The following RETREG3 variants were observed in gnomAD, a reference collection of about 807,000 sequenced individuals.
RETREG3 encodes the protein reticulophagy regulator 3.
A neutral mutation model predicts 50.2 loss-of-function variants in RETREG3; 23 were observed. That is an observed-to-expected ratio of 0.46 (90% CI 0.33 to 0.65). RETREG3 has a LOEUF of 0.65. Ranked by LOEUF, RETREG3 falls within the 30% of genes least tolerant of loss-of-function variation. The pLI is 0.02. For missense variants in RETREG3, 546 were observed against 598.0 expected (o/e 0.91, Z 0.91); for synonymous variants, 240 against 234.4 (o/e 1.02, Z -0.22).
intron 1 of RETREG3, 108 bp downstream of exon 1, chr17:42,608,978 C>G: frequency 8.6e-7 from 1 of 1,162,946 alleles, no homozygotes. Flanking sequence ...TAGGCAAGTA[C>G]AGGAAGGAGC....
At chr17:42,604,620 T>A (rs1248810536) in intron 1 of RETREG3, among the ~76,000 whole-genome samples, 1 of 146,008 alleles carries the variant, frequency 6.8e-6, no homozygotes, top group Non-Finnish European at 1.5e-5. Context: ...CAGTGAGCTA[T>A]GATTGTGCCA....
chr17:42,587,888 G>T (rs577432944), intron 2 of RETREG3, 24 bp from the exon 3 acceptor site: 9 of 1,613,730 alleles, frequency 5.6e-6, no homozygotes, highest in Non-Finnish European at 7.6e-6. Flanking sequence ...ACAAACACCA[G>T]CATTAGTTGG....
intron 1 of RETREG3, among the ~76,000 whole-genome samples, chr17:42,604,967 C>G (rs949878623): frequency 4.0e-5 from 6 of 151,864 alleles, no homozygotes; most frequent in Non-Finnish European, 8.8e-5. Flanking sequence ...AAAACACAAG[C>G]TATTGGAAGG....
Position 42,602,445 on chromosome 17 carries a change from T to C in RETREG3, c.239+6641A>G, listed in dbSNP as rs2093160460. Among the ~76,000 whole-genome samples the C allele has an allele frequency of 1.3e-5, 2 of 152,214 alleles. 1 individual carries two copies. The highest frequency in any genetic ancestry group is 4.1e-4 in the South Asian group (2 of 4,832). On this transcript the variant is annotated intron_variant, in intron 1 of 8. Transcript: ENST00000309428. ...CAATGCTGTACGACTAATAGCCTTATGTAATTTCAGAACATTTTCATCACT... is the reference window on the plus strand; with the variant it reads ...CAATGCTGTACGACTAATAGCCTTACGTAATTTCAGAACATTTTCATCACT...
At chr17:42,590,971 G>C (rs1200043084) in intron 2 of RETREG3, among the ~76,000 whole-genome samples, 2 of 151,872 alleles carry the variant, frequency 1.3e-5, no homozygotes, top group Non-Finnish European at 2.9e-5. Flanking sequence ...CGTCTCAAAA[G>C]AAAAGAAAAG....
At position 42,586,053 on chromosome 17, in the gene RETREG3, G is replaced by A. The variant is rs1597733568; in HGVS notation, c.589C>T (p.Leu197Phe). Residue 197 changes from leucine to phenylalanine, a missense_variant and splice_region_variant, in exon 5 of 9, where the codon CTT (leucine) becomes TTT (phenylalanine). Coordinates refer to ENST00000309428, the MANE Select transcript of RETREG3 (RefSeq NM_178126.4). Reference protein sequence around the residue: ...VPGLLLSYLMLVTVMMWPLAV... With the variant: ...VPGLLLSYLMFVTVMMWPLAV... ...TAGGGGAGGTATATGTCATACTTAC[G>A]CATCAAGTAGGACAGCAGAAGCCCA... 3 of 1,613,678 alleles carry A rather than the reference G, an allele frequency of 1.9e-6. No individual in the cohort carries two copies. The highest frequency in any genetic ancestry group is 2.5e-6 in the Non-Finnish European group (3 of 1,179,656).
rs1199076786 is a variant in RETREG3 at position 42,580,777 on chromosome 17, C to T, written c.*1036G>A. ...ATCACGCTGGGCACAGTGGCTCACA[C>T]CTGTAATCCCAACACTTTGGGTGGC... On this transcript the variant is annotated 3_prime_UTR_variant, in exon 9 of 9. Transcript: ENST00000309428. The T allele has an allele frequency of 6.6e-6, 1 of 152,078 alleles. No homozygotes were observed. Among genetic ancestry groups the T allele is most frequent in the African/African-American group, 2.4e-5 (1 of 41,318 alleles). The allele number at this position is 152,078 out of a possible 1,614,324, so 9.4% of individuals were successfully genotyped here.
Position 42,584,985 on chromosome 17 carries a change from C to A in RETREG3, c.727+140G>T, listed in dbSNP as rs2093118215. 5 of 1,033,974 alleles carry A rather than the reference C, an allele frequency of 4.8e-6. No individual in the cohort carries two copies. In the South Asian group the frequency reaches 7.9e-5, roughly 16 times the overall value. 64.0% of individuals were successfully genotyped at this position (1,033,974 alleles called of 1,614,324 possible). A position where few individuals can be genotyped will look rare whatever the true frequency, so the allele number is the denominator to read the frequency against. On this transcript the variant is annotated intron_variant, in intron 6 of 8. Coordinates refer to ENST00000309428, the MANE Select transcript of RETREG3 (RefSeq NM_178126.4). ...CACAGGTTTCCCTAGAACAGAATATCATTTTTACCTATCAATCCTCACCCC... is the reference window on the plus strand; with the variant it reads ...CACAGGTTTCCCTAGAACAGAATATAATTTTTACCTATCAATCCTCACCCC...
At chr17:42,588,000 A>C in intron 2 of RETREG3, 136 bp from the exon 3 acceptor site, 1 of 887,486 alleles carries the variant, frequency 1.1e-6, no homozygotes. Flanking sequence ...AAAAGGAGAC[A>C]CTGTGTTATA....
rs2093114569 is a variant in RETREG3 at position 42,583,536 on chromosome 17, T to C, written c.772A>G (p.Ser258Gly). 6.2e-7 allele frequency: 1 copy of C among 1,613,824 alleles called. No individual in the cohort carries two copies. The highest frequency in any genetic ancestry group is 2.2e-5 in the East Asian group (1 of 44,864). The change falls in exon 7 of 9, where the codon AGT becomes GGT. Residue 258 changes from serine to glycine, a missense_variant. Physicochemically the swap from Ser to Gly is moderately conservative, Grantham distance 56. Transcript: ENST00000309428. ...LHPERAMDNH[S>G]DSEEELAAFC... ...GCAGCAAGCTCCTCTTCGCTGTCAC[T>C]GTGGTTGTCCATGGCTCGTTCTGGG...
rs1283019139 is a variant in RETREG3 at position 42,581,050 on chromosome 17, A to AAAAGAG, written c.*762_*763insCTCTTT. ...AGAGACTCTGTCTCAAAAAAAAAAA[A>AAAAGAG]AAGAAAAGAAAAGAAAAGAAAAAAA... On this transcript the variant is annotated 3_prime_UTR_variant, in exon 9 of 9. Transcript: ENST00000309428. 1.4e-5 allele frequency: 2 copies of AAAAGAG among 146,358 alleles called. No individual in the cohort carries two copies. The highest frequency in any genetic ancestry group is 3.0e-5 in the Non-Finnish European group (2 of 66,936). The allele number at this position is 146,358 out of a possible 1,614,324, so 9.1% of individuals were successfully genotyped here. A position where few individuals can be genotyped will look rare whatever the true frequency, so the allele number is the denominator to read the frequency against.
At position 42,582,227 on chromosome 17, in the gene RETREG3, G is replaced by T. The variant is rs1183067548; in HGVS notation, c.987C>A (p.Asp329Glu). The change falls in exon 9 of 9, where the codon GAC becomes GAA. Residue 329 changes from aspartate (D) to glutamate (E), a missense_variant. Coordinates refer to ENST00000309428, the MANE Select transcript of RETREG3 (RefSeq NM_178126.4). Reference protein sequence around the residue: ...HSDPEESFARDLPDFPSINMD... With the variant: ...HSDPEESFARELPDFPSINMD... ...TATTAATGGAAGGGAAGTCTGGAAG[G>T]TCTCTGGCAAAGGATTCCTCTGGAT... is the stretch of plus-strand genomic sequence containing the variant. 5.0e-6 allele frequency: 8 copies of T among 1,611,588 alleles called. No individual in the cohort carries two copies.
chr17:42,592,072 G>C lies in RETREG3; in HGVS notation c.330C>G (p.Ile110Met), dbSNP rs1327444902. The change falls in exon 2 of 9, where the codon ATC becomes ATG. Residue 110 changes from isoleucine to methionine, a missense_variant. Transcript: ENST00000309428. ...CAAACTCACCTTTTATTTCAGGCCA[G>C]ATTTTGTTCTTCCATTGATCAATAC... ...IVCIDQWKNK[I>M]WPEIKVPRPD... The C allele has an allele frequency of 3.1e-6, 5 of 1,612,616 alleles. No individual in the cohort carries two copies. The highest frequency in any genetic ancestry group is 4.2e-6 in the Non-Finnish European group (5 of 1,179,416).
intron 7 of RETREG3, 65 bp downstream of exon 7, chr17:42,583,433 T>G: frequency 1.3e-6 from 2 of 1,502,754 alleles, no homozygotes; most frequent in African/African-American, 2.8e-5. Flanking sequence ...AAATGTGAGC[T>G]GTCGGATGGT....
chr17:42,584,323 G>A (rs934886900), intron 6 of RETREG3, among the ~76,000 whole-genome samples: 6 of 152,140 alleles, frequency 3.9e-5, no homozygotes, highest in African/African-American at 1.4e-4. Flanking sequence ...CCAAGTGCAG[G>A]GCTCTTTGAA....
intron 1 of RETREG3, among the ~76,000 whole-genome samples, chr17:42,603,478 C>T (rs2143426532): frequency 6.6e-6 from 1 of 152,186 alleles, no homozygotes; most frequent in South Asian, 2.1e-4. Context: ...ACAGTTGTTG[C>T]TTGCAAAAAA....
chr17:42,587,662 A>T (rs1237200609), intron 3 of RETREG3, 172 bp downstream of exon 3: 1 of 705,642 alleles, frequency 1.4e-6, no homozygotes, highest in Non-Finnish European at 2.4e-6. Context: ...GACACAGGCC[A>T]TCTCAACATA....
At chr17:42,592,004 TATA>T in intron 2 of RETREG3, 49 bp downstream of exon 2, 1 of 1,472,470 alleles carries the variant, frequency 6.8e-7, no homozygotes, top group Non-Finnish European at 9.4e-7. Flanking sequence ...AGGTACAAAT[TATA>T]GGAAAGGCCA....
At chr17:42,597,497 T>TTGTGTGTG (rs71157646) in intron 1 of RETREG3, among the ~76,000 whole-genome samples, 17 of 116,778 alleles carry the variant, frequency 1.5e-4, no homozygotes, top group African/African-American at 5.8e-4. Flanking sequence ...AGAATCTATT[T>TTGTGTGTG]TGTGTGTGTG....
Sources: gnomAD v4.1 joint callset for allele counts (sites outside exome capture counted in the v4.1 genomes callset) on GRCh38, gnomAD v4.1.1 for gene constraint, MANE v1.5 for transcripts, NCBI Gene and HGNC (gene_info 2026-07-23, HGNC 2026-07-21) for gene names.